The following SYCE1L variants were observed in gnomAD, a reference collection of about 807,000 sequenced individuals.
The protein encoded by SYCE1L is synaptonemal complex central element protein 1-like.
Under a neutral mutation model 39.6 loss-of-function variants are expected in SYCE1L, and 51 were observed. The observed-to-expected ratio is 1.29, with a 90% CI of 1.03 to 1.63. The LOEUF is 1.63. Ranked by LOEUF, SYCE1L falls within the 40% of genes most tolerant of loss-of-function variation. The pLI is 0.00. For synonymous variants in SYCE1L, 147 were observed against 122.4 expected (o/e 1.20, Z -1.33); for missense variants, 426 against 304.9 (o/e 1.40, Z -2.96).
At chr16:77,199,644 G>A (rs2054708996) in intron 1 of SYCE1L, 132 bp downstream of exon 1, 1 of 771,738 alleles carries the variant, frequency 1.3e-6, no homozygotes, top group Non-Finnish European at 2.1e-6. Context: ...TTTTGTTATT[G>A]AAGAAAAACA....
chr16:77,201,113 G>C (rs2054737960), intron 1 of SYCE1L: 2 of 152,256 alleles, frequency 1.3e-5, no homozygotes, highest in South Asian at 2.1e-4. Context: ...TCGCTCCCCT[G>C]CACCTAAAAC....
intron 1 of SYCE1L, among the ~76,000 whole-genome samples, chr16:77,205,915 A>T (rs769151019): frequency 3.3e-5 from 5 of 152,200 alleles, no homozygotes; most frequent in Non-Finnish European, 7.3e-5. Context: ...AAAAATAAAA[A>T]TAAAAATCCT....
intron 6 of SYCE1L, 59 bp from the exon 7 acceptor site, chr16:77,211,154 C>A (rs953471902): frequency 5.9e-6 from 9 of 1,531,912 alleles, no homozygotes; most frequent in Non-Finnish European, 5.3e-6. Flanking sequence ...GCATGAGGAG[C>A]CCCCAACAGG....
chr16:77,199,630 A>C (rs557773263), intron 1 of SYCE1L, 118 bp downstream of exon 1: 78 of 916,296 alleles, frequency 8.5e-5, no homozygotes, highest in Non-Finnish European at 1.2e-4. Context: ...TAAAATGTTA[A>C]GCCTTTTGTT....
Position 77,212,164 on chromosome 16 carries a change from C to G in SYCE1L, c.458C>G (p.Ala153Gly). ...LEQRLAREIR[A>G]LERSKEQLLS... ...CAGCGACTGGCCCGGGAGATCCGTG[C>G]CCTGGAGAGAAGCAAGGAGCAGCTG... is the stretch of plus-strand genomic sequence containing the variant. The change falls in exon 8 of 11, where the codon GCC (alanine) becomes GGC (glycine). Residue 153 changes from alanine to glycine, a missense_variant. Ala to Gly is a moderately conservative substitution (Grantham distance 60). Transcript: ENST00000378644. The G allele has an allele frequency of 3.9e-6, 6 of 1,549,306 alleles. No homozygotes were observed. The highest frequency in any genetic ancestry group is 5.2e-6 in the Non-Finnish European group (6 of 1,146,598).
chr16:77,203,500 C>G (rs1412024787), intron 1 of SYCE1L, among the ~76,000 whole-genome samples: 3 of 151,400 alleles, frequency 2.0e-5, no homozygotes, highest in Non-Finnish European at 4.4e-5. Flanking sequence ...GTTAAAAAAC[C>G]CTGATTTACA....
At chr16:77,201,000 A>G (rs2054736305) in intron 1 of SYCE1L, 1 of 152,150 alleles carries the variant, frequency 6.6e-6, no homozygotes, top group South Asian at 2.1e-4. Flanking sequence ...AACACATTAG[A>G]CTGCATCCTG....
chr16:77,206,357 A>C, intron 1 of SYCE1L, 84 bp from the exon 2 acceptor site: 7 of 1,254,772 alleles, frequency 5.6e-6, no homozygotes, highest in Non-Finnish European at 7.9e-6. Flanking sequence ...GGGTGTCTGC[A>C]GAGCCCACTG....
At position 77,209,140 on chromosome 16, in the gene SYCE1L, G is replaced by C. The variant is rs1291445606; in HGVS notation, c.300G>C (p.Lys100Asn). The C allele has an allele frequency of 6.4e-7, 1 of 1,551,596 alleles. No homozygotes were observed. The highest frequency in any genetic ancestry group is 8.7e-7 in the Non-Finnish European group (1 of 1,147,008). The change falls in exon 5 of 11, where the codon AAG (lysine) becomes AAC (asparagine). Residue 100 changes from lysine to asparagine, a missense_variant. Lys to Asn is a moderately conservative substitution (Grantham distance 94). Transcript: ENST00000378644. ...KVHLEEVLGK[K>N]QEALRILQMH... ...ACCTAGAGGAGGTCTTGGGCAAAAA[G>C]CAAGGTATTTACCAGTTGCTGTGTC...
At chr16:77,210,816 C>T (rs2054817197) in intron 6 of SYCE1L, among the ~76,000 whole-genome samples, 1 of 152,216 alleles carries the variant, frequency 6.6e-6, no homozygotes, top group South Asian at 2.1e-4. Context: ...TGTGAACAGA[C>T]ATCCCAACTC....
chr16:77,209,079 T>C lies in SYCE1L; in HGVS notation c.257-18T>C, dbSNP rs2142518304. 1.3e-6 allele frequency: 2 copies of C among 1,551,622 alleles called. No individual in the cohort carries two copies. The highest frequency in any genetic ancestry group is 2.7e-5 in the African/African-American group (2 of 73,134). ...CAATGGGGTGCCTGGAGGCAGAAAGTGTCATTGTGTTTTCCAGTGAATGGA... is the reference window on the plus strand; with the variant it reads ...CAATGGGGTGCCTGGAGGCAGAAAGCGTCATTGTGTTTTCCAGTGAATGGA... On this transcript the variant is annotated intron_variant, in intron 4 of 10. Coordinates refer to ENST00000378644, the MANE Select transcript of SYCE1L (RefSeq NM_001129979.3).
At chr16:77,212,759 C>G (rs2054834676) in intron 10 of SYCE1L, 98 bp from the exon 11 acceptor site, 1 of 1,420,600 alleles carries the variant, frequency 7.0e-7, no homozygotes, top group East Asian at 2.7e-5. Context: ...CAGGGCGGCC[C>G]CGGGGACAGA....
intron 1 of SYCE1L, 88 bp from the exon 2 acceptor site, chr16:77,206,353 C>A: frequency 8.3e-7 from 1 of 1,209,130 alleles, no homozygotes; most frequent in African/African-American, 1.5e-5. Flanking sequence ...CCACGGGTGT[C>A]TGCAGAGCCC....
chr16:77,208,912 G>A (rs911183386), intron 4 of SYCE1L, among the ~76,000 whole-genome samples, 185 bp from the exon 5 acceptor site: 1 of 152,162 alleles, frequency 6.6e-6, no homozygotes, highest in Non-Finnish European at 1.5e-5. Context: ...AAAGAATGTG[G>A]GCATAGAGGG....
At chr16:77,209,180 C>T (rs1219007183) in intron 5 of SYCE1L, 36 bp downstream of exon 5, 7 of 1,549,226 alleles carry the variant, frequency 4.5e-6, no homozygotes, top group Non-Finnish European at 6.1e-6. Flanking sequence ...TTATTCTACT[C>T]TTCCACCCCA....
intron 10 of SYCE1L, 83 bp from the exon 11 acceptor site, chr16:77,212,774 G>A: frequency 1.4e-6 from 2 of 1,421,292 alleles, no homozygotes; most frequent in Non-Finnish European, 1.8e-6. Flanking sequence ...GACAGAGGAA[G>A]CCGCGGTGGA....
chr16:77,203,447 A>G (rs995492737), intron 1 of SYCE1L, among the ~76,000 whole-genome samples: 2 of 133,298 alleles, frequency 1.5e-5, no homozygotes, highest in Admixed American at 1.5e-4. Context: ...AAAGAAGGTG[A>G]ACATACCACC....
intron 6 of SYCE1L, 44 bp from the exon 7 acceptor site, chr16:77,211,169 C>G (rs765213555): frequency 1.3e-6 from 2 of 1,549,276 alleles, no homozygotes; most frequent in Non-Finnish European, 1.7e-6. Context: ...AACAGGGTGT[C>G]AGGCCTAGCA....
intron 2 of SYCE1L, 53 bp downstream of exon 2, chr16:77,206,553 A>T (rs1298545678): frequency 6.5e-7 from 1 of 1,534,080 alleles, no homozygotes; most frequent in Non-Finnish European, 8.8e-7. Context: ...AGTCAGAAAG[A>T]CATGGTACAA....
Sources: gnomAD v4.1 joint callset for allele counts (sites outside exome capture counted in the v4.1 genomes callset) on GRCh38, gnomAD v4.1.1 for gene constraint, MANE v1.5 for transcripts, NCBI Gene and HGNC (gene_info 2026-07-23, HGNC 2026-07-21) for gene names.